Variants in BACH2 observed in about 807,000 individuals in gnomAD.
BACH2 encodes the protein BACH transcriptional regulator 2, also known as transcription regulator protein BACH2.
Under a neutral mutation model 61.8 loss-of-function variants are expected in BACH2, and 5 were observed. The observed-to-expected ratio is 0.08, with a 90% confidence interval of 0.04 to 0.17. The LOEUF is 0.17. Ranked by LOEUF, BACH2 falls within the 10% of genes least tolerant of loss-of-function variation. The pLI is 1.00. For synonymous variants in BACH2, 446 were observed against 440.1 expected, an observed-to-expected ratio of 1.01 and a Z score of -0.17; for missense variants, 824 against 1,091.1, an observed-to-expected ratio of 0.76 and a Z score of 3.45.
chr6:90,079,082 A>T lies in BACH2; in HGVS notation c.-13+9879T>A, dbSNP rs144056960. ...ACCATCAATGGGATTGCGAAGGCAC[A>T]AATTTCCCTGTGAATGCTGGCGCCG... On this transcript the variant is annotated intron_variant, in intron 5 of 8. Coordinates refer to ENST00000257749, the MANE Select transcript of BACH2 (RefSeq NM_021813.4). Among the ~76,000 whole-genome samples, 7 of 152,314 alleles carry T rather than the reference A, an allele frequency of 4.6e-5. No homozygotes were observed. The East Asian group carries it at 1.4e-3, about 29-fold the overall frequency.
intron 5 of BACH2, among the ~76,000 whole-genome samples, chr6:90,015,810 T>C (rs947086303): frequency 3.9e-5 from 6 of 152,234 alleles, no homozygotes; most frequent in African/African-American, 1.4e-4. Flanking sequence ...AGTCTTCTAA[T>C]ATCTTTTCTG....
intron 5 of BACH2, among the ~76,000 whole-genome samples, chr6:90,009,608 A>AGTCAAGATT (rs1777598676): frequency 6.6e-6 from 1 of 152,258 alleles, no homozygotes; most frequent in South Asian, 2.1e-4. Context: ...TGCATTCAAC[A>AGTCAAGATT]GTCAAGATTA....
intron 3 of BACH2, among the ~76,000 whole-genome samples, chr6:90,207,141 T>C (rs1769173855): frequency 6.6e-6 from 1 of 152,134 alleles, no homozygotes; most frequent in Non-Finnish European, 1.5e-5. Flanking sequence ...TTTTTTGGCA[T>C]AGAGTCTCAT....
intron 7 of BACH2, among the ~76,000 whole-genome samples, chr6:89,949,093 G>A (rs1773916859): frequency 6.6e-6 from 1 of 152,144 alleles, no homozygotes; most frequent in Non-Finnish European, 1.5e-5. Flanking sequence ...ACTGCACGTG[G>A]CTCTGTGAAA....
At chr6:89,967,676 G>A (rs1038155114) in intron 6 of BACH2, among the ~76,000 whole-genome samples, 6 of 152,150 alleles carry the variant, frequency 3.9e-5, no homozygotes, top group African/African-American at 1.4e-4. Flanking sequence ...TTTAACAAGC[G>A]TGGGAGGCCA....
At chr6:90,180,161 T>C (rs2127840762) in intron 4 of BACH2, among the ~76,000 whole-genome samples, 1 of 152,156 alleles carries the variant, frequency 6.6e-6, no homozygotes, top group South Asian at 2.1e-4. Flanking sequence ...AGAAACAATA[T>C]ATGAAAAATA....
intron 1 of BACH2, among the ~76,000 whole-genome samples, chr6:90,295,654 GGTGTGT>G (rs138869202): frequency 3.5e-4 from 52 of 147,816 alleles, no homozygotes; most frequent in South Asian, 1.3e-3. Flanking sequence ...TGGAGTGTAG[GGTGTGT>G]GTGTGTGTGT....
At chr6:89,948,468 A>G (rs967504972) in intron 7 of BACH2, among the ~76,000 whole-genome samples, 1 of 152,152 alleles carries the variant, frequency 6.6e-6, no homozygotes, top group Non-Finnish European at 1.5e-5. Context: ...TCGGCCTCCC[A>G]AAATGCTAGG....
rs866584486 is a variant in BACH2 at position 90,103,027 on chromosome 6, A to T, written c.-161-13918T>A. Among the ~76,000 whole-genome samples, 164 of 24,446 alleles carry T rather than the reference A, an allele frequency of 6.7e-3. 1 individual carries two copies. The highest frequency in any genetic ancestry group is 0.019 in the African/African-American group (82 of 4,322). 16.0% of individuals were successfully genotyped at this position (24,446 alleles called of 152,430 possible). A position where few individuals can be genotyped will look rare whatever the true frequency, so the allele number is the denominator to read the frequency against. On this transcript the variant is annotated intron_variant, in intron 4 of 8. Coordinates refer to ENST00000257749, the MANE Select transcript of BACH2 (RefSeq NM_021813.4). ...AATACATATATATATATATATATATATATTTTTTTTTTTTTTTTTTTTTTA... is the reference window on the plus strand; with the variant it reads ...AATACATATATATATATATATATATTTATTTTTTTTTTTTTTTTTTTTTTA...
chr6:89,990,060 G>A (rs187305019), intron 6 of BACH2, among the ~76,000 whole-genome samples: 7 of 152,196 alleles, frequency 4.6e-5, no homozygotes, highest in Admixed American at 2.0e-4. Context: ...TCAACCTTGC[G>A]GGGCCACTCC....
intron 5 of BACH2, among the ~76,000 whole-genome samples, chr6:90,033,083 C>T (rs956862713): frequency 1.4e-5 from 2 of 147,234 alleles, no homozygotes; most frequent in South Asian, 2.3e-4. Flanking sequence ...TGGAAACCAT[C>T]ATTCTCAGCA....
chr6:90,064,800 G>A (rs532034439), intron 5 of BACH2, among the ~76,000 whole-genome samples: 1 of 152,324 alleles, frequency 6.6e-6, no homozygotes, highest in Non-Finnish European at 1.5e-5. Flanking sequence ...GCTCCTTGAG[G>A]ATGGGAACTG....
intron 4 of BACH2, among the ~76,000 whole-genome samples, chr6:90,097,536 C>G (rs762583656): frequency 1.1e-4 from 16 of 152,182 alleles, no homozygotes; most frequent in Non-Finnish European, 2.1e-4. Context: ...TGCCCTACGA[C>G]TTACATATTC....
At chr6:90,276,840 A>G (rs6899623) in intron 1 of BACH2, among the ~76,000 whole-genome samples, 42,708 of 151,968 alleles carry the variant, frequency 0.28, 6,355 homozygotes, top group Non-Finnish European at 0.34. Context: ...AGTTCTCTTG[A>G]AGAAAAAAAA....
At chr6:89,985,016 G>A (rs1190969027) in intron 6 of BACH2, among the ~76,000 whole-genome samples, 1 of 152,166 alleles carries the variant, frequency 6.6e-6, no homozygotes, top group Non-Finnish European at 1.5e-5. Context: ...GAGTCCTCGG[G>A]CAGGAGACAT....
At chr6:90,108,587 GAGA>G (rs1377167619) in intron 4 of BACH2, among the ~76,000 whole-genome samples, 1 of 82,190 alleles carries the variant, frequency 1.2e-5, no homozygotes, top group Non-Finnish European at 3.8e-5. Context: ...GAAACAGCCT[GAGA>G]TCAGCCTGAG....
At chr6:90,096,552 T>C (rs1415509140) in intron 4 of BACH2, among the ~76,000 whole-genome samples, 2 of 152,206 alleles carry the variant, frequency 1.3e-5, no homozygotes, top group East Asian at 1.9e-4. Flanking sequence ...CTTGGAATAG[T>C]GCCTGGCACA....
intron 1 of BACH2, among the ~76,000 whole-genome samples, chr6:90,279,334 C>A (rs543842339): frequency 6.6e-6 from 1 of 152,040 alleles, no homozygotes; most frequent in Non-Finnish European, 1.5e-5. Context: ...ACCAGCCTGG[C>A]CAACATAGGG....
chr6:90,217,496 A>C (rs1278028371), intron 3 of BACH2, among the ~76,000 whole-genome samples: 1 of 152,182 alleles, frequency 6.6e-6, no homozygotes, highest in Non-Finnish European at 1.5e-5. Context: ...TAACAAAGAT[A>C]ATCAGGGTGA....
Sources: allele counts gnomAD v4.1 joint callset (sites outside exome capture counted in the v4.1 genomes callset), GRCh38; gene constraint gnomAD v4.1.1; transcripts MANE v1.5; gene names NCBI Gene and HGNC (gene_info 2026-07-23, HGNC 2026-07-21).